The following DENND1A variants were observed in gnomAD, a reference collection of about 807,000 sequenced individuals.
DENND1A encodes DENN domain containing 1A.
DENND1A carries 51 observed loss-of-function variants against 113.7 expected under a neutral mutation model. The observed-to-expected ratio is 0.45, with a 90% CI of 0.36 to 0.57. The LOEUF (loss-of-function observed/expected upper bound fraction) is 0.57, where lower values mean the gene tolerates loss of function less well. Among genes scored for constraint, DENND1A ranks in the 20% least tolerant of loss-of-function variants. The pLI is 0.00. For missense variants in DENND1A, 1,258 were observed against 1,395.9 expected (o/e 0.90, Z 1.57); for synonymous variants, 565 against 570.8 (o/e 0.99, Z 0.14).
At chr9:123,390,029 G>A (rs2042761212) in intron 21 of DENND1A, among the ~76,000 whole-genome samples, 1 of 152,218 alleles carries the variant, frequency 6.6e-6, no homozygotes, top group Non-Finnish European at 1.5e-5. Flanking sequence ...ACCTTTGCTT[G>A]GAGCACTGAC....
chr9:123,783,702 A>T (rs2131883178), intron 3 of DENND1A, among the ~76,000 whole-genome samples: 1 of 152,304 alleles, frequency 6.6e-6, no homozygotes. Context: ...CCAAAGTCCA[A>T]GCTCTTAATC....
At chr9:123,465,911 T>G (rs1203783033) in intron 13 of DENND1A, among the ~76,000 whole-genome samples, 2 of 152,242 alleles carry the variant, frequency 1.3e-5, no homozygotes, top group Non-Finnish European at 2.9e-5. Flanking sequence ...ATTTTATAGC[T>G]TGTACATGCA....
At chr9:123,395,468 C>CTCTCTGTGTGTGTGTGTGTGTGTG (rs367751848) in intron 21 of DENND1A, among the ~76,000 whole-genome samples, 8,039 of 142,494 alleles carry the variant, frequency 0.056, 302 homozygotes, top group Non-Finnish European at 0.082. Flanking sequence ...CTCTCTCTCT[C>CTCTCTGTGTGTGTGTGTGTGTGTG]TGTGTGTGTG....
chr9:123,837,371 G>A (rs947621879), intron 2 of DENND1A, among the ~76,000 whole-genome samples: 5 of 152,096 alleles, frequency 3.3e-5, no homozygotes, highest in African/African-American at 1.2e-4. Context: ...CAAGTTAAAG[G>A]AGAAAACACA....
At chr9:123,818,583 TAA>T (rs1197288232) in intron 2 of DENND1A, among the ~76,000 whole-genome samples, 3 of 131,030 alleles carry the variant, frequency 2.3e-5, no homozygotes, top group Admixed American at 7.8e-5. Context: ...TATATATATA[TAA>T]AATGAGATCT....
Position 123,606,556 on chromosome 9 carries a change from T to A in DENND1A, c.765+2880A>T, listed in dbSNP as rs2060163711. Among the ~76,000 whole-genome samples the A allele has an allele frequency of 2.0e-5, 3 of 152,242 alleles. 1 individual carries two copies. Among genetic ancestry groups the A allele is most frequent in the African/African-American group, 7.2e-5 (3 of 41,454 alleles). On this transcript the variant is annotated intron_variant, in intron 11 of 23. Coordinates refer to ENST00000394215, the MANE Select transcript of DENND1A (RefSeq NM_001352964.2). ...TGTTTTACTACAAAAGGCCTTATTT[T>A]AAATTACTTACAATTATATAAAAAG... is the stretch of plus-strand genomic sequence containing the variant.
At chr9:123,485,926 T>C (rs1454860747) in intron 13 of DENND1A, among the ~76,000 whole-genome samples, 1 of 152,172 alleles carries the variant, frequency 6.6e-6, no homozygotes, top group African/African-American at 2.4e-5. Context: ...GCAGATTTCA[T>C]TTTCTGAATC....
intron 19 of DENND1A, among the ~76,000 whole-genome samples, chr9:123,421,072 G>A (rs1277275986): frequency 6.8e-6 from 1 of 146,514 alleles, no homozygotes; most frequent in East Asian, 2.0e-4. Context: ...CTGCTGGGAT[G>A]CATCTAGGAT....
intron 2 of DENND1A, among the ~76,000 whole-genome samples, chr9:123,872,134 CCA>C (rs1846721938): frequency 6.6e-6 from 1 of 151,940 alleles, no homozygotes; most frequent in Non-Finnish European, 1.5e-5. Context: ...GGTTCTTAAA[CCA>C]ATACACCAAT....
intron 6 of DENND1A, among the ~76,000 whole-genome samples, chr9:123,674,027 C>A (rs1033041354): frequency 6.6e-6 from 1 of 152,012 alleles, no homozygotes; most frequent in African/African-American, 2.4e-5. Context: ...AGCACTGGGC[C>A]ACAGCTGCTG....
At chr9:123,519,632 C>T (rs1464895378) in intron 13 of DENND1A, among the ~76,000 whole-genome samples, 3 of 152,100 alleles carry the variant, frequency 2.0e-5, no homozygotes, top group Middle Eastern at 3.4e-3. Context: ...TTGGCCAGGC[C>T]GGTCTTGAAC....
Position 123,383,706 on chromosome 9 carries a change from G to A in DENND1A, c.1968C>T (p.Asp656=). 1.2e-6 allele frequency: 2 copies of A among 1,614,132 alleles called. No homozygotes were observed. The highest frequency in any genetic ancestry group is 1.3e-5 in the African/African-American group (1 of 75,058). ...QPLGQAKSLE[D]LRAPKDLREQ... The stretch of plus-strand genomic sequence containing the variant: ...CCCTCAGGTCTTTGGGGGCACGAAG[G>A]TCCTCTAAGCTCTTGGCCTGGCCCA... The change falls in exon 23 of 24, where the codon GAC becomes GAT. Residue 656 remains aspartate (D), a synonymous_variant. Coordinates refer to ENST00000394215, the MANE Select transcript of DENND1A (RefSeq NM_001352964.2).
At chr9:123,539,221 C>T (rs2056090471) in intron 13 of DENND1A, among the ~76,000 whole-genome samples, 1 of 152,068 alleles carries the variant, frequency 6.6e-6, no homozygotes, top group South Asian at 2.1e-4. Context: ...TCAGTCTATC[C>T]AATCTCTGGA....
chr9:123,837,021 A>G (rs1307153441), intron 2 of DENND1A, among the ~76,000 whole-genome samples: 1 of 152,214 alleles, frequency 6.6e-6, no homozygotes, highest in African/African-American at 2.4e-5. Flanking sequence ...TTATGCCATT[A>G]AATTCTCAAG....
At chr9:123,733,531 C>T (rs1426349769) in intron 5 of DENND1A, among the ~76,000 whole-genome samples, 1 of 151,698 alleles carries the variant, frequency 6.6e-6, no homozygotes, top group Non-Finnish European at 1.5e-5. Flanking sequence ...AAGCGATCCT[C>T]CCACCTTGGC....
chr9:123,929,620 G>A (rs889026979), intron 1 of DENND1A, among the ~76,000 whole-genome samples: 1 of 152,054 alleles, frequency 6.6e-6, no homozygotes, highest in African/African-American at 2.4e-5. Flanking sequence ...GTAAACCCGG[G>A]GAGGGGGCCG....
chr9:123,537,632 A>G (rs1355801660), intron 13 of DENND1A, among the ~76,000 whole-genome samples: 1 of 152,064 alleles, frequency 6.6e-6, no homozygotes, highest in Non-Finnish European at 1.5e-5. Flanking sequence ...GCTGAACTTA[A>G]AAACAAAAAA....
At chr9:123,877,073 T>C (rs1847586475) in intron 2 of DENND1A, among the ~76,000 whole-genome samples, 1 of 152,038 alleles carries the variant, frequency 6.6e-6, no homozygotes, top group African/African-American at 2.4e-5. Flanking sequence ...GGATAAGAAA[T>C]TACTTAATGG....
chr9:123,888,306 A>G (rs1182622201), intron 1 of DENND1A, among the ~76,000 whole-genome samples: 2 of 152,358 alleles, frequency 1.3e-5, no homozygotes, highest in South Asian at 4.1e-4. Flanking sequence ...CAGTAAGGAT[A>G]TTAACAGATT....
Sources: gnomAD v4.1 joint callset for allele counts (sites outside exome capture counted in the v4.1 genomes callset) on GRCh38, gnomAD v4.1.1 for gene constraint, MANE v1.5 for transcripts, NCBI Gene and HGNC (gene_info 2026-07-23, HGNC 2026-07-21) for gene names.